The following SPATA13 variants were observed in gnomAD, a reference collection of about 807,000 sequenced individuals.
SPATA13 encodes spermatogenesis-associated protein 13.
In SPATA13, 50 loss-of-function variants were observed where a neutral mutation model predicts 104.0. That is an observed-to-expected ratio of 0.48 (90% CI 0.38 to 0.61). SPATA13 has a LOEUF of 0.61. SPATA13 is among the 20% of genes least tolerant of loss of function. The probability of loss-of-function intolerance (pLI) is 0.00; values close to 1 mark genes in which losing one functional copy is unlikely to be tolerated. For missense variants in SPATA13, 1,524 were observed against 1,690.6 expected (o/e 0.90, Z 1.73); for synonymous variants, 606 against 667.5 (o/e 0.91, Z 1.42).
In SPATA13 at chr13:24,205,157, T is replaced by G. The variant is rs537383610; in HGVS notation, c.-111-17662T>G. Reference sequence around the variant, plus strand: ...GGAAGAGAGGAAGTCAAACTATCCCTGTTTGCAGATGACATGATTCTGTAT... The same window carrying G: ...GGAAGAGAGGAAGTCAAACTATCCCGGTTTGCAGATGACATGATTCTGTAT... On this transcript the variant is annotated intron_variant, in intron 1 of 12. Transcript: ENST00000382108. The surrounding 1 kb of genome is among the most constrained non-coding windows in gnomAD (Gnocchi z 4.1). Among the ~76,000 whole-genome samples, 2 of 152,214 alleles carry G rather than the reference T, an allele frequency of 1.3e-5. No individual in the cohort carries two copies. Among genetic ancestry groups the G allele is most frequent in the Non-Finnish European group, 2.9e-5 (2 of 68,048 alleles).
At chr13:24,139,216 C>A (rs576432029) in intron 3 of SPATA13, among the ~76,000 whole-genome samples, 2 of 152,208 alleles carry the variant, frequency 1.3e-5, no homozygotes, top group South Asian at 2.1e-4. Flanking sequence ...GTCTCTGAGT[C>A]CAAATTCCCC....
In SPATA13 at chr13:23,984,962, G is replaced by A. The variant is rs78917072; in HGVS notation, c.-147+1029G>A. Among the ~76,000 whole-genome samples the A allele has an allele frequency of 9.1e-3, 1,392 of 152,318 alleles. 24 individuals carry two copies. The highest frequency in any genetic ancestry group is 0.03 in the African/African-American group (1,262 of 41,554). On this transcript the variant is annotated intron_variant, in intron 2 of 14. Transcript: ENST00000424834. ...AACCGGCCGGCGTGCACATCACATG[G>A]CACAGATTCAGGAGGTGAGCTGGTC...
chr13:24,115,943 A>G (rs1219928618), intron 3 of SPATA13, among the ~76,000 whole-genome samples: 2 of 152,166 alleles, frequency 1.3e-5, no homozygotes, highest in Non-Finnish European at 2.9e-5. Context: ...GCTTCTCCAG[A>G]GCAGGTGACT....
chr13:24,288,023 T>A (rs571454600), intron 7 of SPATA13, among the ~76,000 whole-genome samples: 1 of 152,240 alleles, frequency 6.6e-6, no homozygotes, highest in Non-Finnish European at 1.5e-5. Flanking sequence ...TTAGCTTCTT[T>A]GTGCCAGCCA....
At chr13:23,980,213 C>A (rs757069178) in intron 1 of SPATA13, among the ~76,000 whole-genome samples, 2 of 152,162 alleles carry the variant, frequency 1.3e-5, no homozygotes, top group African/African-American at 2.4e-5. Context: ...GAAAAGTTGC[C>A]GCGGCCCCAG....
chr13:24,144,554 A>T (rs1475746580), intron 3 of SPATA13, among the ~76,000 whole-genome samples: 1 of 152,100 alleles, frequency 6.6e-6, no homozygotes, highest in Non-Finnish European at 1.5e-5. Flanking sequence ...GCACTGGCCC[A>T]GACAAACTTT....
intron 3 of SPATA13, among the ~76,000 whole-genome samples, chr13:24,058,708 T>C (rs1878661621): frequency 6.6e-6 from 1 of 151,908 alleles, no homozygotes; most frequent in African/African-American, 2.4e-5. Flanking sequence ...CAGTGAATAA[T>C]CGCTAACTAT....
rs1466560900 is a variant in SPATA13 at position 24,302,704 on chromosome 13, G to A, written c.3765G>A (p.Leu1255=). 2.5e-6 allele frequency: 4 copies of A among 1,614,078 alleles called. No homozygotes were observed. Among genetic ancestry groups the A allele is most frequent in the Admixed American group, 3.3e-5 (2 of 60,010 alleles). ...TSVPQQQVFG[L]AEPKRKSSLF... ...TCCCCCAGCAGCAGGTCTTTGGCCT[G>A]GCGGAACCCAAGAGGAAGTCCTCGC... The change falls in exon 13 of 13, where the codon CTG becomes CTA. Residue 1255 remains leucine, a synonymous_variant. Coordinates refer to ENST00000382108, the MANE Select transcript of SPATA13 (RefSeq NM_001166271.3).
chr13:24,182,737 A>G (rs564635114), intron 1 of SPATA13, among the ~76,000 whole-genome samples: 2 of 152,272 alleles, frequency 1.3e-5, no homozygotes, highest in Admixed American at 6.5e-5. Flanking sequence ...TTTTGAAGAC[A>G]TTTCCTTTAA....
At chr13:24,235,155 A>G (rs1239606625) in intron 2 of SPATA13, among the ~76,000 whole-genome samples, 1 of 152,184 alleles carries the variant, frequency 6.6e-6, no homozygotes, top group Admixed American at 6.5e-5. Context: ...CAAATTATGT[A>G]CTTCTAAGTT....
At chr13:24,043,935 G>T (rs1159038948) in intron 3 of SPATA13, among the ~76,000 whole-genome samples, 1 of 152,184 alleles carries the variant, frequency 6.6e-6, no homozygotes, top group Non-Finnish European at 1.5e-5. Context: ...CTTGGGAAGT[G>T]GGGTTAGTTT....
intron 1 of SPATA13, among the ~76,000 whole-genome samples, chr13:24,175,505 G>A (rs9511108): frequency 0.17 from 26,023 of 152,108 alleles, 2,410 homozygotes; most frequent in East Asian, 0.37. Flanking sequence ...CTTGATCTCA[G>A]AATCAGAGTC....
intron 3 of SPATA13, among the ~76,000 whole-genome samples, chr13:24,076,995 A>G (rs1271343213): frequency 6.6e-6 from 1 of 151,940 alleles, no homozygotes; most frequent in Non-Finnish European, 1.5e-5. Context: ...CCTTTGATTC[A>G]TATGTTGTTG....
intron 1 of SPATA13, among the ~76,000 whole-genome samples, chr13:24,206,370 T>C (rs1458153555): frequency 6.6e-6 from 1 of 152,192 alleles, no homozygotes; most frequent in East Asian, 1.9e-4. Context: ...AGATACCATC[T>C]CACACCAGTC....
intron 3 of SPATA13, among the ~76,000 whole-genome samples, chr13:24,153,548 C>G (rs187207197): frequency 1.3e-5 from 2 of 152,288 alleles, no homozygotes; most frequent in Non-Finnish European, 2.9e-5. Flanking sequence ...TGAAGGCAGC[C>G]AAGGCCACTT....
intron 2 of SPATA13, among the ~76,000 whole-genome samples, chr13:24,001,250 CG>C (rs1325475059): frequency 1.3e-5 from 2 of 152,090 alleles, no homozygotes; most frequent in African/African-American, 2.4e-5. Context: ...AGTGTTACAT[CG>C]CTGAGGTGGA....
chr13:24,075,742 A>G (rs1388490600), intron 3 of SPATA13, among the ~76,000 whole-genome samples: 2 of 152,188 alleles, frequency 1.3e-5, no homozygotes, highest in Admixed American at 1.3e-4. Context: ...TTGACCTCCA[A>G]TTCTGGAGTG....
chr13:24,298,935 C>T (rs1876985290), intron 11 of SPATA13, among the ~76,000 whole-genome samples: 2 of 152,170 alleles, frequency 1.3e-5, no homozygotes, highest in Admixed American at 6.5e-5. Flanking sequence ...GAGCTCCCCA[C>T]ATCACAGGCA....
At chr13:24,136,754 T>C (rs1881584170) in intron 3 of SPATA13, among the ~76,000 whole-genome samples, 1 of 152,166 alleles carries the variant, frequency 6.6e-6, no homozygotes, top group Non-Finnish European at 1.5e-5. Context: ...TTAAGGAGTG[T>C]GAATGGATAA....
Sources: gnomAD v4.1 joint callset for allele counts (sites outside exome capture counted in the v4.1 genomes callset) on GRCh38, gnomAD v4.1.1 for gene constraint, Gnocchi (gnomAD v3.1) non-coding constraint, MANE v1.5 for transcripts, NCBI Gene and HGNC (gene_info 2026-07-23, HGNC 2026-07-21) for gene names.